Variants in CCDC91 observed in about 807,000 individuals in gnomAD.
CCDC91 encodes the protein coiled-coil domain-containing protein 91.
A neutral mutation model predicts 63.2 loss-of-function variants in CCDC91; 48 were observed. The observed-to-expected ratio is 0.76, with a 90% CI of 0.60 to 0.97. CCDC91 has a LOEUF of 0.97. CCDC91 is among the 50% of genes least tolerant of loss of function. CCDC91 has a pLI of 0.00. For synonymous variants in CCDC91, 167 were observed against 165.8 expected (o/e 1.01, Z -0.06); for missense variants, 500 against 494.6 (o/e 1.01, Z -0.10).
chr12:28,388,928 C>T (rs1431428947), intron 7 of CCDC91, among the ~76,000 whole-genome samples: 1 of 152,126 alleles, frequency 6.6e-6, no homozygotes, highest in Non-Finnish European at 1.5e-5. Flanking sequence ...TGAAGAAACC[C>T]TTCTAGGCAT....
chr12:28,485,864 C>CA (rs1951698338), intron 12 of CCDC91, among the ~76,000 whole-genome samples: 1 of 152,072 alleles, frequency 6.6e-6, no homozygotes. Flanking sequence ...ATTATAGGTA[C>CA]ATTTTATATG....
At chr12:28,410,892 T>C (rs1321446429) in intron 8 of CCDC91, among the ~76,000 whole-genome samples, 2 of 152,196 alleles carry the variant, frequency 1.3e-5, no homozygotes, top group African/African-American at 2.4e-5. Flanking sequence ...ATGTATCTCC[T>C]CATTCTTTGT....
chr12:28,249,637 G>T (rs1227373986), intron 1 of CCDC91, among the ~76,000 whole-genome samples: 1 of 151,968 alleles, frequency 6.6e-6, no homozygotes, highest in Non-Finnish European at 1.5e-5. Context: ...CAAAGAGGTT[G>T]TACTTTGCAT....
intron 11 of CCDC91, among the ~76,000 whole-genome samples, chr12:28,458,463 T>TC: frequency 9.4e-6 from 1 of 105,852 alleles, no homozygotes; most frequent in Middle Eastern, 4.2e-3. Flanking sequence ...ACCTTTTTTT[T>TC]TTTTTTTTTT....
chr12:28,245,876 G>C (rs1945699825), intron 1 of CCDC91, among the ~76,000 whole-genome samples: 3 of 152,056 alleles, frequency 2.0e-5, no homozygotes, highest in South Asian at 2.1e-4. Flanking sequence ...ACTAAACATA[G>C]ACAAATGTTA....
chr12:28,247,598 A>G (rs1268126855), intron 1 of CCDC91, among the ~76,000 whole-genome samples: 1 of 152,170 alleles, frequency 6.6e-6, no homozygotes, highest in Non-Finnish European at 1.5e-5. Flanking sequence ...AGAATGGACT[A>G]GAAAGGAGCA....
At chr12:28,298,580 T>C (rs1937673137) in intron 3 of CCDC91, among the ~76,000 whole-genome samples, 1 of 151,310 alleles carries the variant, frequency 6.6e-6, no homozygotes. Flanking sequence ...TTTTTCTTTG[T>C]TGTATTTAAA....
At chr12:28,253,338 C>A (rs536537803) in intron 1 of CCDC91, among the ~76,000 whole-genome samples, 1 of 152,222 alleles carries the variant, frequency 6.6e-6, no homozygotes, top group African/African-American at 2.4e-5. Flanking sequence ...CCACCCTCTC[C>A]CCTCCCCAAG....
In CCDC91 at chr12:28,449,459, G is replaced by T. The variant is rs1364967087; in HGVS notation, c.763-702G>T. Reference sequence around the variant, plus strand: ...AACAGTATTTGCCTCATCGTTATTGGAGATACTGAGGCTGCAAAAGTTGAA... The same window carrying T: ...AACAGTATTTGCCTCATCGTTATTGTAGATACTGAGGCTGCAAAAGTTGAA... On this transcript the variant is annotated intron_variant, in intron 8 of 12. Transcript: ENST00000536442. 4.6e-5 allele frequency among the ~76,000 whole-genome samples: 7 copies of T among 152,048 alleles called. No individual in the cohort carries two copies. In the South Asian group the frequency reaches 1.5e-3, roughly 32 times the overall value.
chr12:28,230,577 C>T (rs190861391), intron 1 of CCDC91, among the ~76,000 whole-genome samples: 1 of 152,218 alleles, frequency 6.6e-6, no homozygotes, highest in Admixed American at 6.5e-5. Flanking sequence ...ATGAGATATA[C>T]TGTTATTAAA....
At chr12:28,518,458 G>A (rs1352430735) in intron 12 of CCDC91, among the ~76,000 whole-genome samples, 1 of 151,340 alleles carries the variant, frequency 6.6e-6, no homozygotes, top group Non-Finnish European at 1.5e-5. Flanking sequence ...TCATTCTTTT[G>A]ATAATTGTGT....
intron 8 of CCDC91, among the ~76,000 whole-genome samples, chr12:28,416,735 G>A (rs1947685430): frequency 6.6e-6 from 1 of 152,108 alleles, no homozygotes; most frequent in African/African-American, 2.4e-5. Context: ...AAGATCAGGA[G>A]CCAGGGTCAA....
intron 7 of CCDC91, among the ~76,000 whole-genome samples, chr12:28,390,963 T>G (rs1945899735): frequency 6.7e-6 from 1 of 150,102 alleles, no homozygotes; most frequent in Non-Finnish European, 1.5e-5. Flanking sequence ...TCAGCAGCTT[T>G]CATACACTCT....
At chr12:28,407,680 A>G (rs1158335327) in intron 8 of CCDC91, among the ~76,000 whole-genome samples, 1 of 152,130 alleles carries the variant, frequency 6.6e-6, no homozygotes. Context: ...AAATTTAGGG[A>G]GAACTGACAT....
intron 1 of CCDC91, among the ~76,000 whole-genome samples, chr12:28,221,294 T>C (rs1417007685): frequency 6.6e-6 from 1 of 152,168 alleles, no homozygotes; most frequent in Non-Finnish European, 1.5e-5. Context: ...TTCTCTGCTT[T>C]CTTAAAAGTT....
chr12:28,405,361 A>G (rs967070021), intron 8 of CCDC91, among the ~76,000 whole-genome samples: 15 of 152,148 alleles, frequency 9.9e-5, no homozygotes, highest in Non-Finnish European at 1.0e-4. Context: ...TTACTTACAC[A>G]GAAGTATACA....
At chr12:28,478,868 A>G (rs1951274597) in intron 11 of CCDC91, among the ~76,000 whole-genome samples, 1 of 152,328 alleles carries the variant, frequency 6.6e-6, no homozygotes, top group African/African-American at 2.4e-5. Context: ...AAAAATGCTC[A>G]TCATCACTGG....
intron 1 of CCDC91, chr12:28,236,841 TA>T (rs1944980012): frequency 6.6e-6 from 1 of 152,162 alleles, no homozygotes; most frequent in East Asian, 1.9e-4. Context: ...TTTGTGAGAT[TA>T]TTTTTCAATA....
intron 1 of CCDC91, among the ~76,000 whole-genome samples, chr12:28,192,023 C>T (rs987764952): frequency 1.3e-5 from 2 of 152,172 alleles, no homozygotes; most frequent in Non-Finnish European, 2.9e-5. Context: ...CAACTTACCT[C>T]TTAACTTTTA....
Sources: gnomAD v4.1 joint callset for allele counts (sites outside exome capture counted in the v4.1 genomes callset) on GRCh38, gnomAD v4.1.1 for gene constraint, MANE v1.5 for transcripts, NCBI Gene and HGNC (gene_info 2026-07-23, HGNC 2026-07-21) for gene names.